The following ETV6 variants were observed in gnomAD, a reference collection of about 807,000 sequenced individuals.
ETV6 encodes ETS variant transcription factor 6.
A neutral mutation model predicts 51.1 loss-of-function variants in ETV6; 16 were observed. That is an observed-to-expected ratio of 0.31 (90% confidence interval 0.21 to 0.48). The LOEUF is 0.48. Ranked by LOEUF, ETV6 falls within the 20% of genes least tolerant of loss-of-function variation. The pLI is 0.99. For missense variants in ETV6, 458 were observed against 594.8 expected (o/e 0.77, Z 2.39); for synonymous variants, 240 against 224.1 (o/e 1.07, Z -0.64).
At chr12:11,750,499 G>C (rs1306967842) in intron 1 of ETV6, among the ~76,000 whole-genome samples, 2 of 152,204 alleles carry the variant, frequency 1.3e-5, no homozygotes, top group Admixed American at 6.5e-5. Context: ...TCGAAATGCT[G>C]TCTTGTTTTT....
intron 2 of ETV6, among the ~76,000 whole-genome samples, chr12:11,772,105 G>A (rs1391085359): frequency 1.3e-5 from 2 of 152,204 alleles, no homozygotes; most frequent in Admixed American, 6.5e-5. Flanking sequence ...TTGTGATCAT[G>A]TGTATAAAAA....
At chr12:11,668,343 T>G (rs1864235521) in intron 1 of ETV6, among the ~76,000 whole-genome samples, 1 of 151,836 alleles carries the variant, frequency 6.6e-6, no homozygotes, top group African/African-American at 2.4e-5. Flanking sequence ...AAAGCTAACG[T>G]ACTTTCCAAA....
At chr12:11,841,429 G>A (rs1269960884) in intron 3 of ETV6, among the ~76,000 whole-genome samples, 4 of 152,182 alleles carry the variant, frequency 2.6e-5, no homozygotes, top group African/African-American at 9.7e-5. Context: ...AAGAATGGGT[G>A]GGATTGAGTA....
intron 5 of ETV6, among the ~76,000 whole-genome samples, chr12:11,879,640 T>A (rs996412909): frequency 2.0e-5 from 3 of 152,172 alleles, no homozygotes; most frequent in African/African-American, 7.2e-5. Flanking sequence ...CTACTTCTCA[T>A]GGAAAAGAAA....
chr12:11,808,660 C>T (rs866806152), intron 2 of ETV6, among the ~76,000 whole-genome samples: 103 of 152,066 alleles, frequency 6.8e-4, no homozygotes, highest in African/African-American at 2.5e-3. Context: ...GGCGGGGGGT[C>T]CTGGAGCCAA....
intron 1 of ETV6, among the ~76,000 whole-genome samples, chr12:11,678,579 A>C (rs994515164): frequency 1.3e-5 from 2 of 152,188 alleles, no homozygotes; most frequent in African/African-American, 4.8e-5. Flanking sequence ...CTGTTCATAC[A>C]ATTTCAAGAA....
chr12:11,890,670 C>T (rs1194391562), intron 7 of ETV6, among the ~76,000 whole-genome samples: 2 of 152,018 alleles, frequency 1.3e-5, no homozygotes, highest in Non-Finnish European at 2.9e-5. Flanking sequence ...AGTTATCTTC[C>T]CAACTTGGCC....
At chr12:11,781,885 G>C (rs536923360) in intron 2 of ETV6, among the ~76,000 whole-genome samples, 4 of 152,178 alleles carry the variant, frequency 2.6e-5, no homozygotes, top group Admixed American at 2.6e-4. Flanking sequence ...GATTGAATGG[G>C]ACGGGACCTG....
intron 5 of ETV6, among the ~76,000 whole-genome samples, chr12:11,874,642 A>G (rs868708320): frequency 0.022 from 327 of 14,958 alleles, 138 homozygotes; most frequent in African/African-American, 0.047. Context: ...GTGTGTGTGT[A>G]TATACACATA....
intron 2 of ETV6, among the ~76,000 whole-genome samples, chr12:11,775,257 C>G (rs1410177703): frequency 6.6e-6 from 1 of 152,218 alleles, no homozygotes; most frequent in Non-Finnish European, 1.5e-5. Context: ...GGCAGCAGAA[C>G]TGATGGCAGA....
intron 2 of ETV6, among the ~76,000 whole-genome samples, chr12:11,755,324 A>G (rs777407129): frequency 6.6e-6 from 1 of 152,246 alleles, no homozygotes; most frequent in African/African-American, 2.4e-5. Context: ...TAGTTAGACT[A>G]TGGATTCAGA....
intron 5 of ETV6, among the ~76,000 whole-genome samples, chr12:11,872,513 T>C (rs952165549): frequency 1.6e-5 from 2 of 129,016 alleles, no homozygotes; most frequent in African/African-American, 3.0e-5. Flanking sequence ...TTTTTTTTTT[T>C]TTGAGACAGA....
intron 2 of ETV6, among the ~76,000 whole-genome samples, chr12:11,834,797 T>C (rs538340079): frequency 2.8e-4 from 42 of 152,332 alleles, no homozygotes; most frequent in Non-Finnish European, 5.0e-4. Context: ...TTCTTTGGTT[T>C]TTTGGATTCA....
At chr12:11,717,533 CAT>C (rs2120912555) in intron 1 of ETV6, among the ~76,000 whole-genome samples, 1 of 152,180 alleles carries the variant, frequency 6.6e-6, no homozygotes, top group African/African-American at 2.4e-5. Context: ...GGCATGTATA[CAT>C]GTGTGTGCAT....
At position 11,752,314 on chromosome 12, in the gene ETV6, C is replaced by T. The variant is rs1036381009; in HGVS notation, c.34-136C>T. 4.7e-5 allele frequency: 40 copies of T among 852,132 alleles called. No homozygotes were observed. The East Asian group carries it at 9.6e-4, about 20-fold the overall frequency. The allele number at this position is 852,132 out of a possible 1,614,324, so 52.8% of individuals were successfully genotyped here. A position where few individuals can be genotyped will look rare whatever the true frequency, so the allele number is the denominator to read the frequency against. ...ACAGTGTCTCTACGGAGAGAGTAAG[C>T]CGGATTGCTTGGGAAGCTGGTACTG... On this transcript the variant is annotated intron_variant, in intron 1 of 7. Coordinates refer to ENST00000396373, the MANE Select transcript of ETV6 (RefSeq NM_001987.5).
chr12:11,803,775 TATAA>T (rs1945787045), intron 2 of ETV6, among the ~76,000 whole-genome samples: 2 of 152,224 alleles, frequency 1.3e-5, no homozygotes, highest in South Asian at 4.1e-4. Flanking sequence ...TGGAATATGT[TATAA>T]ATACAGAAAG....
intron 2 of ETV6, among the ~76,000 whole-genome samples, chr12:11,818,515 G>A (rs1371729609): frequency 7.2e-6 from 1 of 139,470 alleles, no homozygotes; most frequent in Admixed American, 7.6e-5. Context: ...GCGACAGAGC[G>A]AGAGAGACTC....
At chr12:11,870,609 A>G (rs1446561953) in intron 5 of ETV6, among the ~76,000 whole-genome samples, 1 of 152,240 alleles carries the variant, frequency 6.6e-6, no homozygotes, top group Non-Finnish European at 1.5e-5. Context: ...CATAATTTAC[A>G]TGAACTCATT....
At chr12:11,811,023 A>G (rs1313966031) in intron 2 of ETV6, among the ~76,000 whole-genome samples, 1 of 152,160 alleles carries the variant, frequency 6.6e-6, no homozygotes. Flanking sequence ...TAAATACATG[A>G]CATTTATTAA....
Sources: allele counts gnomAD v4.1 joint callset (sites outside exome capture counted in the v4.1 genomes callset), GRCh38; gene constraint gnomAD v4.1.1; transcripts MANE v1.5; gene names NCBI Gene and HGNC (gene_info 2026-07-23, HGNC 2026-07-21).